The following KHDC1 variants were observed in gnomAD, a reference collection of about 807,000 sequenced individuals.
The protein encoded by KHDC1 is KH domain containing 1, also known as KH homology domain-containing protein 1.
Under a neutral mutation model 24.7 loss-of-function variants are expected in KHDC1, and 21 were observed. The ratio of observed to expected loss-of-function variants is 0.85; its 90% CI spans 0.60 to 1.23. The LOEUF (loss-of-function observed/expected upper bound fraction) is 1.23, where lower values mean the gene tolerates loss of function less well. KHDC1 is among the 50% of genes most tolerant of loss of function. The pLI is 0.00. For synonymous variants in KHDC1, 98 were observed against 111.7 expected, an observed-to-expected ratio of 0.88 and a Z score of 0.77; for missense variants, 274 against 298.5, an observed-to-expected ratio of 0.92 and a Z score of 0.61.
intron 1 of KHDC1, chr6:73,292,363 T>C (rs912111838): frequency 4.9e-6 from 4 of 808,810 alleles, no homozygotes; most frequent in African/African-American, 1.7e-5. Flanking sequence ...TCTACACATA[T>C]GCAAAATTCC....
At chr6:73,278,309 G>A (rs913984114) in intron 2 of KHDC1, among the ~76,000 whole-genome samples, 3 of 151,214 alleles carry the variant, frequency 2.0e-5, no homozygotes, top group South Asian at 2.1e-4. Flanking sequence ...GAGCCATGGC[G>A]CCTGGCCAGA....
intron 2 of KHDC1, among the ~76,000 whole-genome samples, chr6:73,283,829 G>A (rs952071636): frequency 3.3e-5 from 5 of 151,562 alleles, no homozygotes; most frequent in African/African-American, 7.3e-5. Context: ...TCCCGCCTCC[G>A]CCTCCCACAG....
chr6:73,252,678 A>G (rs1311983578), intron 2 of KHDC1, among the ~76,000 whole-genome samples: 1 of 151,914 alleles, frequency 6.6e-6, no homozygotes, highest in African/African-American at 2.4e-5. Context: ...TTAGCTAACC[A>G]TGGTGGCTCA....
chr6:73,301,234 A>T (rs573407106), intron 1 of KHDC1: 1 of 152,046 alleles, frequency 6.6e-6, no homozygotes, highest in Non-Finnish European at 1.5e-5. Flanking sequence ...CAAAAAAAAA[A>T]CCTTGCCCTT....
chr6:73,275,864 C>G (rs759513323), intron 2 of KHDC1: 1 of 152,614 alleles, frequency 6.6e-6, no homozygotes, highest in Non-Finnish European at 1.5e-5. Flanking sequence ...AGATCCTCAT[C>G]TCCAGAAGGT....
chr6:73,282,924 C>G (rs1767442032), intron 2 of KHDC1, among the ~76,000 whole-genome samples: 1 of 152,184 alleles, frequency 6.6e-6, no homozygotes, highest in Admixed American at 6.5e-5. Context: ...CCTGCACAGC[C>G]TGTTCTACGT....
intron 2 of KHDC1, among the ~76,000 whole-genome samples, chr6:73,252,290 C>T (rs999485080): frequency 6.6e-6 from 1 of 152,056 alleles, no homozygotes; most frequent in African/African-American, 2.4e-5. Context: ...GCAATCTGCC[C>T]TCGTCGACCT....
chr6:73,285,400 C>T (rs1039209515), intron 2 of KHDC1, among the ~76,000 whole-genome samples: 8 of 151,642 alleles, frequency 5.3e-5, no homozygotes, highest in African/African-American at 1.9e-4. Context: ...GGCACGATCT[C>T]AGCTCACTGC....
chr6:73,272,724 C>T (rs1033601448), intron 2 of KHDC1, among the ~76,000 whole-genome samples: 3 of 150,540 alleles, frequency 2.0e-5, no homozygotes, highest in Non-Finnish European at 4.4e-5. Flanking sequence ...TGCAGTGAGC[C>T]GAGATGGCAC....
chr6:73,281,461 T>A (rs542390602), intron 2 of KHDC1, among the ~76,000 whole-genome samples: 149 of 151,582 alleles, frequency 9.8e-4, no homozygotes, highest in African/African-American at 3.1e-3. Context: ...ACTTAAAATA[T>A]AAAAAATCAG....
At chr6:73,283,559 C>T (rs1325365498) in intron 2 of KHDC1, among the ~76,000 whole-genome samples, 6 of 150,946 alleles carry the variant, frequency 4.0e-5, no homozygotes, top group Non-Finnish European at 3.0e-5. Context: ...TGTAAGCACC[C>T]GGCCCTTAGT....
At chr6:73,265,570 T>C (rs114949065) in intron 2 of KHDC1, among the ~76,000 whole-genome samples, 1,926 of 147,244 alleles carry the variant, frequency 0.013, 41 homozygotes, top group African/African-American at 0.045. Flanking sequence ...GACTGGTCAC[T>C]GTGAGCTGGA....
intron 4 of KHDC1, 44 bp downstream of exon 3, chr6:73,242,011 T>C: frequency 6.4e-7 from 1 of 1,568,308 alleles, no homozygotes; most frequent in Non-Finnish European, 8.6e-7. Context: ...TAGCCAGAAC[T>C]CCACCACCAA....
At chr6:73,253,278 G>A (rs766221518) in intron 2 of KHDC1, among the ~76,000 whole-genome samples, 1 of 152,034 alleles carries the variant, frequency 6.6e-6, no homozygotes, top group Non-Finnish European at 1.5e-5. Context: ...TTAACCTGCC[G>A]GGTACGGTGG....
chr6:73,258,250 G>A (rs142148195), intron 2 of KHDC1, among the ~76,000 whole-genome samples: 2 of 152,112 alleles, frequency 1.3e-5, no homozygotes, highest in African/African-American at 2.4e-5. Flanking sequence ...GCGAGACTCC[G>A]TCTCTAAATA....
chr6:73,274,776 A>G (rs1195077023), intron 2 of KHDC1: 1 of 152,200 alleles, frequency 6.6e-6, no homozygotes, highest in Non-Finnish European at 1.5e-5. Flanking sequence ...AGTGCCTTTG[A>G]TAATTTTATA....
intron 2 of KHDC1, among the ~76,000 whole-genome samples, chr6:73,291,773 G>A (rs892711172): frequency 6.6e-6 from 1 of 151,604 alleles, no homozygotes; most frequent in Non-Finnish European, 1.5e-5. Flanking sequence ...AGGATGGGAG[G>A]GGGGTGAGGG....
chr6:73,282,586 G>C (rs1767434738), intron 2 of KHDC1, among the ~76,000 whole-genome samples: 1 of 152,096 alleles, frequency 6.6e-6, no homozygotes, highest in Non-Finnish European at 1.5e-5. Context: ...AGAAATTATA[G>C]TTTAGGAGTC....
At chr6:73,262,566 G>A (rs1766998823) in intron 2 of KHDC1, among the ~76,000 whole-genome samples, 1 of 150,852 alleles carries the variant, frequency 6.6e-6, no homozygotes, top group South Asian at 2.1e-4. Context: ...AACAAAACCC[G>A]TGTTTCTTTT....
Sources: gnomAD v4.1 joint callset for allele counts (sites outside exome capture counted in the v4.1 genomes callset) on GRCh38, gnomAD v4.1.1 for gene constraint, MANE v1.5 for transcripts, NCBI Gene and HGNC (gene_info 2026-07-23, HGNC 2026-07-21) for gene names.